The following FRMPD4 variants were observed in gnomAD, a reference collection of about 807,000 sequenced individuals.
The protein encoded by FRMPD4 is FERM and PDZ domain-containing protein 4.
A neutral mutation model predicts 94.1 loss-of-function variants in FRMPD4; 22 were observed. That is an observed-to-expected ratio of 0.23 (90% CI 0.17 to 0.33). FRMPD4 has a LOEUF of 0.33. Among genes scored for constraint, FRMPD4 ranks in the 10% least tolerant of loss-of-function variants. The pLI is 1.00. For missense variants in FRMPD4, 1,111 were observed against 1,339.9 expected (o/e 0.83, Z 2.67); for synonymous variants, 631 against 548.6 (o/e 1.15, Z -2.10).
chrX:12,395,307 G>A (rs1391745066), intron 1 of FRMPD4, among the ~76,000 whole-genome samples: 1 of 112,086 alleles, frequency 8.9e-6, no homozygotes, highest in Non-Finnish European at 1.9e-5. Context: ...AGAATGAAAA[G>A]AAATCTTGTT....
At chrX:12,294,152 T>C (rs2054733127) in intron 1 of FRMPD4, among the ~76,000 whole-genome samples, 1 of 111,017 alleles carries the variant, frequency 9.0e-6, no homozygotes, top group Non-Finnish European at 1.9e-5. Context: ...GAGGCGTCGT[T>C]TGGGGGTTGT....
At chrX:12,473,458 A>G (rs186410897) in intron 1 of FRMPD4, among the ~76,000 whole-genome samples, 3,507 of 109,914 alleles carry the variant, frequency 0.032, 356 homozygotes, top group African/African-American at 0.11. Context: ...AAATTCACAC[A>G]TAACAATATT....
intron 3 of FRMPD4, among the ~76,000 whole-genome samples, chrX:12,073,817 G>A (rs562316326): frequency 5.2e-4 from 58 of 112,445 alleles, no homozygotes; most frequent in African/African-American, 1.8e-3. Flanking sequence ...CGATCCTCAT[G>A]TCTCGATCTT....
chrX:12,081,149 A>G (rs2147483429), intron 3 of FRMPD4, among the ~76,000 whole-genome samples: 1 of 112,000 alleles, frequency 8.9e-6, no homozygotes, highest in Admixed American at 9.4e-5. Context: ...GGCCCCTCAT[A>G]TGCTAAGACC....
intron 5 of FRMPD4, among the ~76,000 whole-genome samples, chrX:12,679,528 G>A (rs888394114): frequency 3.6e-5 from 4 of 111,815 alleles, no homozygotes; most frequent in Non-Finnish European, 7.5e-5. Context: ...TCACAGTCAG[G>A]GGAGGGTGGG....
chrX:12,309,393 C>G (rs1196573637), intron 1 of FRMPD4, among the ~76,000 whole-genome samples: 1 of 112,434 alleles, frequency 8.9e-6, no homozygotes, highest in East Asian at 2.8e-4. Flanking sequence ...GGTCTGTTTT[C>G]TTGCCTCTTA....
Position 12,452,092 on chromosome X carries a change from C to T in FRMPD4, c.42-46588C>T, listed in dbSNP as rs138559786. ...TTTACAGGGATAATAATGTCAACCA[C>T]AACCAGCACCCAAATTGCAAAACCG... is the stretch of plus-strand genomic sequence containing the variant. On this transcript the variant is annotated intron_variant, in intron 1 of 16. Transcript: ENST00000675598. Among the ~76,000 whole-genome samples, 223 of 110,734 alleles carry T rather than the reference C, an allele frequency of 2.0e-3. 2 individuals are homozygous for T. Among genetic ancestry groups the T allele is most frequent in the Admixed American group, 3.4e-3 (35 of 10,386 alleles).
chrX:12,692,924 T>C (rs1306419269), intron 8 of FRMPD4, among the ~76,000 whole-genome samples: 4 of 111,693 alleles, frequency 3.6e-5, no homozygotes, highest in Non-Finnish European at 7.5e-5. Context: ...TATTCCTGGT[T>C]TGCTTTACCC....
rs151058592 is a variant in FRMPD4, at chrX:12,514,760, T to C, written c.158+15964T>C. On this transcript the variant is annotated intron_variant, in intron 2 of 16. Coordinates refer to ENST00000675598, the MANE Select transcript of FRMPD4 (RefSeq NM_001368397.1). ...TTAGGGAGGAGTCTCTCCTTTTCAA[T>C]TGTTTGCATTAGTTTCAGAAGAAAT... Among the ~76,000 whole-genome samples the C allele has an allele frequency of 6.2e-4, 70 of 112,191 alleles. 1 individual carries two copies. Among genetic ancestry groups the C allele is most frequent in the Non-Finnish European group, 4.9e-4 (26 of 53,227 alleles).
intron 3 of FRMPD4, among the ~76,000 whole-genome samples, chrX:11,912,781 CAAAA>C (rs759252236): frequency 3.8e-3 from 324 of 85,295 alleles, no homozygotes; most frequent in African/African-American, 0.013. Flanking sequence ...AATGGAATTA[CAAAA>C]AAAAAAAGAA....
chrX:12,097,323 G>C (rs1198607247), intron 3 of FRMPD4, among the ~76,000 whole-genome samples: 1 of 112,073 alleles, frequency 8.9e-6, no homozygotes, highest in East Asian at 2.8e-4. Context: ...CACAGATTAA[G>C]TTTAAAGCCT....
chrX:11,891,548 T>A (rs1158725331), intron 3 of FRMPD4, among the ~76,000 whole-genome samples: 2 of 112,188 alleles, frequency 1.8e-5, no homozygotes, highest in Non-Finnish European at 3.8e-5. Context: ...AGTCAGCACT[T>A]CATGCCACCA....
intron 1 of FRMPD4, among the ~76,000 whole-genome samples, chrX:12,148,091 G>T (rs181968009): frequency 2.7e-5 from 3 of 112,057 alleles, no homozygotes; most frequent in Non-Finnish European, 1.9e-5. Context: ...TAGCCTGCAA[G>T]TGTTCAAGTT....
chrX:12,556,857 G>C (rs79646699), intron 2 of FRMPD4, among the ~76,000 whole-genome samples: 5 of 109,420 alleles, frequency 4.6e-5, no homozygotes, highest in Admixed American at 9.8e-5. Flanking sequence ...AAGTTTGTTT[G>C]TTTATTTGAG....
chrX:12,118,661 G>T (rs755537360), intron 3 of FRMPD4, among the ~76,000 whole-genome samples: 7 of 111,819 alleles, frequency 6.3e-5, no homozygotes, highest in Non-Finnish European at 1.3e-4. Context: ...GTGCCATCCG[G>T]TGGTGAAGAT....
At chrX:12,597,545 A>C (rs2148402168) in intron 2 of FRMPD4, among the ~76,000 whole-genome samples, 1 of 112,519 alleles carries the variant, frequency 8.9e-6, no homozygotes, top group African/African-American at 3.2e-5. Context: ...AAAATGTATC[A>C]GTCTAGATGT....
At chrX:12,405,587 T>C (rs2056657863) in intron 1 of FRMPD4, among the ~76,000 whole-genome samples, 1 of 111,213 alleles carries the variant, frequency 9.0e-6, no homozygotes, top group Admixed American at 9.6e-5. Context: ...TCTGGCCAAA[T>C]TTCTGCCAAG....
intron 1 of FRMPD4, among the ~76,000 whole-genome samples, chrX:12,194,175 G>A (rs2056539822): frequency 1.8e-5 from 2 of 111,001 alleles, no homozygotes; most frequent in Admixed American, 9.6e-5. Context: ...GAGGGCCTGT[G>A]TAGTCTTTCT....
At chrX:12,284,454 GT>G (rs912324690) in intron 1 of FRMPD4, among the ~76,000 whole-genome samples, 1 of 111,576 alleles carries the variant, frequency 9.0e-6, no homozygotes, top group African/African-American at 3.3e-5. Flanking sequence ...GGAGAGATGT[GT>G]TTGCGGAAGT....
Sources: allele counts gnomAD v4.1 joint callset (sites outside exome capture counted in the v4.1 genomes callset), GRCh38; gene constraint gnomAD v4.1.1; transcripts MANE v1.5; gene names NCBI Gene and HGNC (gene_info 2026-07-23, HGNC 2026-07-21).